Variants in CSMD1 observed in about 807,000 individuals in gnomAD.
The protein encoded by CSMD1 is CUB and sushi domain-containing protein 1.
In CSMD1, 213 loss-of-function variants were observed where a neutral mutation model predicts 417.5. That is an observed-to-expected ratio of 0.51 (90% CI 0.46 to 0.57). CSMD1 has a LOEUF of 0.57. CSMD1 is among the 20% of genes least tolerant of loss of function. CSMD1 has a pLI of 0.00. For synonymous variants in CSMD1, 2,862 were observed against 1,736.8 expected, an observed-to-expected ratio of 1.65 and a Z score of -16.11; for missense variants, 6,923 against 4,529.7, an observed-to-expected ratio of 1.53 and a Z score of -15.17.
intron 5 of CSMD1, among the ~76,000 whole-genome samples, chr8:3,840,659 G>A (rs1027206222): frequency 2.0e-4 from 30 of 151,418 alleles, no homozygotes; most frequent in Admixed American, 5.3e-4. Flanking sequence ...AGGATATTGA[G>A]GTCACTATAC....
intron 5 of CSMD1, among the ~76,000 whole-genome samples, chr8:3,869,189 T>G (rs1201753729): frequency 1.3e-5 from 2 of 152,164 alleles, no homozygotes; most frequent in Non-Finnish European, 2.9e-5. Context: ...ACCCTGAGGC[T>G]TCTGCACTAG....
intron 53 of CSMD1, among the ~76,000 whole-genome samples, chr8:2,998,707 T>C (rs566996624): frequency 6.6e-6 from 1 of 152,336 alleles, no homozygotes; most frequent in Non-Finnish European, 1.5e-5. Context: ...CTATTTTTGT[T>C]GAGAATCTCT....
chr8:4,072,961 C>T (rs1188740457), intron 3 of CSMD1, among the ~76,000 whole-genome samples: 5 of 152,152 alleles, frequency 3.3e-5, no homozygotes, highest in Non-Finnish European at 5.9e-5. Context: ...TAAAATTTTG[C>T]TCGTGACATC....
At chr8:3,103,996 G>A (rs1444240139) in intron 46 of CSMD1, among the ~76,000 whole-genome samples, 1 of 151,928 alleles carries the variant, frequency 6.6e-6, no homozygotes, top group African/African-American at 2.4e-5. Flanking sequence ...GCCCACCTCG[G>A]CCTCCCAAAG....
chr8:3,345,805 A>T (rs1303917021), intron 22 of CSMD1, among the ~76,000 whole-genome samples: 2 of 152,214 alleles, frequency 1.3e-5, no homozygotes, highest in East Asian at 3.9e-4. Context: ...GCATGACAAC[A>T]TTGAAAGTTC....
intron 4 of CSMD1, among the ~76,000 whole-genome samples, chr8:4,027,093 A>C (rs1038259559): frequency 1.3e-5 from 2 of 152,192 alleles, no homozygotes; most frequent in Admixed American, 6.5e-5. Context: ...TCGGCCACAG[A>C]AAAACACAGC....
At chr8:3,991,278 T>C (rs1321004738) in intron 5 of CSMD1, among the ~76,000 whole-genome samples, 1 of 152,198 alleles carries the variant, frequency 6.6e-6, no homozygotes, top group Non-Finnish European at 1.5e-5. Flanking sequence ...TTGAAAGAAG[T>C]TCGCATTATT....
rs1012934072 is a variant in CSMD1, at chr8:4,288,657, A to G, written c.415+131296T>C. 3.3e-5 allele frequency among the ~76,000 whole-genome samples: 5 copies of G among 152,138 alleles called. No individual in the cohort carries two copies. The East Asian group carries it at 5.8e-4, about 18-fold the overall frequency. On this transcript the variant is annotated intron_variant, in intron 3 of 69. Transcript: ENST00000635120. ...GCCACCAACTCTGCCGCCCTCCCCA[A>G]TAAAATTCCTTTTCAACATTTGTAA...
At chr8:4,201,116 T>C (rs952426463) in intron 3 of CSMD1, among the ~76,000 whole-genome samples, 1 of 152,184 alleles carries the variant, frequency 6.6e-6, no homozygotes, top group Non-Finnish European at 1.5e-5. Context: ...ATCAGTGACT[T>C]TGCATATCAA....
chr8:3,436,589 G>A (rs777978359), intron 12 of CSMD1, among the ~76,000 whole-genome samples: 13 of 151,802 alleles, frequency 8.6e-5, no homozygotes, highest in East Asian at 3.9e-4. Context: ...TAAATCTTAC[G>A]TATGTTTTAT....
chr8:3,257,402 A>T (rs1038469223), intron 26 of CSMD1, among the ~76,000 whole-genome samples: 1 of 152,204 alleles, frequency 6.6e-6, no homozygotes, highest in Non-Finnish European at 1.5e-5. Context: ...ACAAATTAGG[A>T]TCTCTTTCCT....
intron 7 of CSMD1, among the ~76,000 whole-genome samples, chr8:3,693,153 T>A (rs1227496675): frequency 1.3e-5 from 2 of 152,208 alleles, no homozygotes; most frequent in Non-Finnish European, 2.9e-5. Flanking sequence ...CTGTGTCAAG[T>A]AATTTGCTAT....
intron 23 of CSMD1, among the ~76,000 whole-genome samples, chr8:3,333,454 A>T (rs775586890): frequency 1.3e-5 from 2 of 152,234 alleles, no homozygotes; most frequent in African/African-American, 4.8e-5. Context: ...TATTTTCCCA[A>T]CGTTTTTCTC....
intron 1 of CSMD1, among the ~76,000 whole-genome samples, chr8:4,771,994 C>A (rs1035333838): frequency 1.3e-5 from 2 of 152,130 alleles, no homozygotes; most frequent in Admixed American, 6.5e-5. Flanking sequence ...CAAACAAGAC[C>A]CATGTCTCGT....
intron 1 of CSMD1, among the ~76,000 whole-genome samples, chr8:4,708,979 G>A (rs372407545): frequency 6.6e-6 from 1 of 152,104 alleles, no homozygotes; most frequent in South Asian, 2.1e-4. Flanking sequence ...CTGATACCTC[G>A]ATCTTGGGCT....
rs867330116 is a variant in CSMD1 at position 4,445,133 on chromosome 8, T to G, written c.303-25068A>C. Among the ~76,000 whole-genome samples the G allele has an allele frequency of 5.3e-5, 8 of 152,324 alleles. No individual in the cohort carries two copies. The South Asian group carries it at 1.7e-3, about 32-fold the overall frequency. ...AAGTATGACTGGATAGTAGATACAG[T>G]GCTGTTTTAAGATTGGGTGATGGCA... is the stretch of plus-strand genomic sequence containing the variant. On this transcript the variant is annotated intron_variant, in intron 2 of 69. Coordinates refer to ENST00000635120, the MANE Select transcript of CSMD1 (RefSeq NM_033225.6).
intron 12 of CSMD1, among the ~76,000 whole-genome samples, chr8:3,414,719 T>C (rs980202315): frequency 6.6e-6 from 1 of 152,216 alleles, no homozygotes; most frequent in African/African-American, 2.4e-5. Flanking sequence ...GTTAGTTCTT[T>C]CCCGGTGTTT....
At chr8:3,559,074 T>C (rs924268490) in intron 10 of CSMD1, among the ~76,000 whole-genome samples, 1 of 152,212 alleles carries the variant, frequency 6.6e-6, no homozygotes, top group Admixed American at 6.5e-5. Context: ...TGAAGGATAT[T>C]ATGCTGAAGA....
chr8:3,523,753 G>GCA (rs532963037), intron 10 of CSMD1, among the ~76,000 whole-genome samples: 1 of 146,486 alleles, frequency 6.8e-6, no homozygotes, highest in Non-Finnish European at 1.5e-5. Context: ...GCATACACAT[G>GCA]CACACACACA....
Sources: allele counts gnomAD v4.1 joint callset (sites outside exome capture counted in the v4.1 genomes callset), GRCh38; gene constraint gnomAD v4.1.1; transcripts MANE v1.5; gene names NCBI Gene and HGNC (gene_info 2026-07-23, HGNC 2026-07-21).